Variants in DSCAM observed in about 807,000 individuals in gnomAD.
DSCAM encodes DS cell adhesion molecule, also known as cell adhesion molecule DSCAM.
Under a neutral mutation model 217.7 loss-of-function variants are expected in DSCAM, and 47 were observed. That is an observed-to-expected ratio of 0.22 (90% CI 0.17 to 0.28). The LOEUF is 0.28. DSCAM is among the 10% of genes least tolerant of loss of function. The pLI is 1.00. For synonymous variants in DSCAM, 1,056 were observed against 1,015.3 expected, an observed-to-expected ratio of 1.04 and a Z score of -0.76; for missense variants, 2,080 against 2,618.3, an observed-to-expected ratio of 0.79 and a Z score of 4.49.
intron 20 of DSCAM, among the ~76,000 whole-genome samples, chr21:40,100,290 C>T (rs1030939042): frequency 6.6e-6 from 1 of 152,026 alleles, no homozygotes; most frequent in East Asian, 1.9e-4. Context: ...TGTAGTGGAG[C>T]CAATCTAGTT....
At chr21:40,723,457 A>T (rs993274619) in intron 1 of DSCAM, among the ~76,000 whole-genome samples, 1 of 152,174 alleles carries the variant, frequency 6.6e-6, no homozygotes, top group African/African-American at 2.4e-5. Flanking sequence ...AGCTTCTTGC[A>T]TCACACTGTC....
In DSCAM at chr21:40,075,071, C is replaced by A; in HGVS notation, c.4854G>T (p.Arg1618Ser). ...TCTTTAGCCTCTGCTCCCGCCGCCT[C>A]CTCCGCACAACCAGCAGGAGCACAA... ...LLFVLLLVVRRRRREQRLKRL... is the reference protein window; with the variant it reads ...LLFVLLLVVRSRRREQRLKRL... Residue 1618 changes from arginine to serine, a missense_variant, in exon 27 of 33, where the codon AGG (arginine) becomes AGT (serine). By Grantham distance (110) the Arg-to-Ser change is moderately radical (BLOSUM62 -1). Around this residue, in one of 5 missense-constraint regions of DSCAM, gnomAD observed 1,144 missense variants for 1,421.1 expected, o/e 0.81. Coordinates refer to ENST00000400454, the MANE Select transcript of DSCAM (RefSeq NM_001389.5). The A allele has an allele frequency of 1.2e-6, 2 of 1,614,216 alleles. No homozygotes were observed. Among genetic ancestry groups the A allele is most frequent in the Non-Finnish European group, 1.7e-6 (2 of 1,180,044 alleles).
intron 20 of DSCAM, among the ~76,000 whole-genome samples, chr21:40,110,621 C>T (rs2089885594): frequency 1.3e-5 from 2 of 152,064 alleles, no homozygotes; most frequent in Non-Finnish European, 2.9e-5. Flanking sequence ...CGACTCAGAG[C>T]TAAAGGAGGA....
intron 9 of DSCAM, among the ~76,000 whole-genome samples, chr21:40,301,568 C>T (rs2074014329): frequency 1.8e-5 from 2 of 111,690 alleles, no homozygotes; most frequent in African/African-American, 5.9e-5. Context: ...AGATTAAGTG[C>T]TTCTCTGAGG....
At chr21:40,562,891 G>A (rs1159746185) in intron 3 of DSCAM, among the ~76,000 whole-genome samples, 3 of 152,180 alleles carry the variant, frequency 2.0e-5, no homozygotes, top group African/African-American at 4.8e-5. Flanking sequence ...TACGTCTGTC[G>A]CCTGCACGAC....
intron 14 of DSCAM, among the ~76,000 whole-genome samples, chr21:40,182,614 GAA>G (rs2090825237): frequency 1.5e-5 from 2 of 136,064 alleles, no homozygotes; most frequent in African/African-American, 6.2e-5. Flanking sequence ...ACCGTGGACA[GAA>G]CGGGCCACCA....
chr21:40,145,958 A>G (rs1384137507), intron 16 of DSCAM, among the ~76,000 whole-genome samples: 52 of 116,572 alleles, frequency 4.5e-4, no homozygotes, highest in African/African-American at 1.4e-3. Flanking sequence ...GCGTGTATGT[A>G]TACATACACA....
intron 20 of DSCAM, among the ~76,000 whole-genome samples, chr21:40,098,874 C>G (rs1415367579): frequency 2.0e-5 from 3 of 152,212 alleles, no homozygotes; most frequent in African/African-American, 7.2e-5. Flanking sequence ...CTCACCTCCA[C>G]CCCCCTCCCA....
chr21:40,666,544 G>C (rs761602381), intron 3 of DSCAM, among the ~76,000 whole-genome samples: 2 of 152,216 alleles, frequency 1.3e-5, no homozygotes, highest in Non-Finnish European at 2.9e-5. Flanking sequence ...CACCTTGCAT[G>C]GGCAATGGCT....
intron 3 of DSCAM, among the ~76,000 whole-genome samples, chr21:40,456,321 A>T (rs1946607471): frequency 6.6e-6 from 1 of 152,038 alleles, no homozygotes; most frequent in South Asian, 2.1e-4. Context: ...CTTAAAAAAA[A>T]GTAAATTAAA....
At position 40,637,574 on chromosome 21, in the gene DSCAM, TATAA is replaced by T. The variant is rs1424131837; in HGVS notation, c.508+55232_508+55235del. Among the ~76,000 whole-genome samples the T allele has an allele frequency of 4.8e-5, 5 of 104,766 alleles. 1 individual carries two copies. The highest frequency in any genetic ancestry group is 7.1e-5 in the Non-Finnish European group (4 of 56,166). 68.7% of individuals were successfully genotyped at this position (104,766 alleles called of 152,430 possible). On this transcript the variant is annotated intron_variant, in intron 3 of 32. Transcript: ENST00000400454. ...ATAAATATATACATATATAAATATA[TATAA>T]ATATATACATATATAAATATATATA...
At chr21:40,457,508 T>C (rs1843212368) in intron 3 of DSCAM, among the ~76,000 whole-genome samples, 1 of 149,326 alleles carries the variant, frequency 6.7e-6, no homozygotes, top group African/African-American at 2.5e-5. Flanking sequence ...AAAGACCCTG[T>C]CTCAAAAAAA....
At chr21:40,410,562 AAAC>A (rs1203488130) in intron 3 of DSCAM, among the ~76,000 whole-genome samples, 2 of 152,092 alleles carry the variant, frequency 1.3e-5, no homozygotes, top group African/African-American at 4.8e-5. Context: ...CATATGAAGA[AAAC>A]AACACCGAGA....
chr21:40,702,138 G>A (rs1244659337), intron 2 of DSCAM, among the ~76,000 whole-genome samples: 1 of 152,036 alleles, frequency 6.6e-6, no homozygotes, highest in Non-Finnish European at 1.5e-5. Flanking sequence ...ATTTACAATA[G>A]TCATATCCTC....
chr21:40,266,635 TTATATATATATATATA>T (rs71186923), intron 11 of DSCAM, among the ~76,000 whole-genome samples: 16 of 62,642 alleles, frequency 2.6e-4, no homozygotes, highest in Non-Finnish European at 3.3e-4. Flanking sequence ...CAAAGATGTT[TTATATATATATATATA>T]TATATATATA....
chr21:40,042,450 G>A lies in DSCAM; in HGVS notation c.5607C>T (p.Cys1869=), dbSNP rs1248219144. 1 of 1,614,200 alleles carries A rather than the reference G, an allele frequency of 6.2e-7. No individual in the cohort carries two copies. Among genetic ancestry groups the A allele is most frequent in the Non-Finnish European group, 8.5e-7 (1 of 1,180,036 alleles). Residue 1869 remains cysteine (C), a synonymous_variant, in exon 32 of 33, where the codon TGC becomes TGT. Transcript: ENST00000400454. The part of the protein sequence containing the change: ...TSSTPSESGI[C]RFTASPPKPQ... ...GTTTGGGGGGAGATGCAGTGAACCTGCAGATTCCCGATTCGGAAGGGGTGC... is the reference window on the plus strand; with the variant it reads ...GTTTGGGGGGAGATGCAGTGAACCTACAGATTCCCGATTCGGAAGGGGTGC...
intron 3 of DSCAM, among the ~76,000 whole-genome samples, chr21:40,553,182 T>G (rs1019598218): frequency 2.6e-5 from 4 of 152,210 alleles, no homozygotes; most frequent in Non-Finnish European, 5.9e-5. Context: ...ACAGCACAAG[T>G]CACATTTCTT....
chr21:40,377,037 C>G (rs190443086), intron 3 of DSCAM, among the ~76,000 whole-genome samples: 1 of 151,922 alleles, frequency 6.6e-6, no homozygotes, highest in Non-Finnish European at 1.5e-5. Context: ...TCCAATGTGA[C>G]CGGTGTGTCC....
intron 1 of DSCAM, among the ~76,000 whole-genome samples, chr21:40,845,540 C>CCTCTCTCTCTCT (rs71332310): frequency 0.032 from 4,483 of 138,790 alleles, 104 homozygotes; most frequent in Middle Eastern, 0.049. Flanking sequence ...CTCTTCTTCT[C>CCTCTCTCTCTCT]CTCTCTCTCT....
Sources: gnomAD v4.1 joint callset for allele counts (sites outside exome capture counted in the v4.1 genomes callset) on GRCh38, gnomAD v4.1.1 for gene constraint, gnomAD v4.1.1 regional missense constraint, MANE v1.5 for transcripts, NCBI Gene and HGNC (gene_info 2026-07-23, HGNC 2026-07-21) for gene names.